Variants in MARCHF1 observed in about 807,000 individuals in gnomAD.
The protein encoded by MARCHF1 is membrane associated ring-CH-type finger 1.
In MARCHF1, 40 loss-of-function variants were observed where a neutral mutation model predicts 54.2. The ratio of observed to expected loss-of-function variants is 0.74; its 90% confidence interval spans 0.57 to 0.96. MARCHF1 has a LOEUF of 0.96. MARCHF1 is among the 40% of genes least tolerant of loss of function. The pLI is 0.00. For missense variants in MARCHF1, 586 were observed against 656.5 expected (o/e 0.89, Z 1.17); for synonymous variants, 236 against 236.3 (o/e 1.00, Z 0.01).
intron 5 of MARCHF1, among the ~76,000 whole-genome samples, chr4:163,620,462 T>C (rs1313368066): frequency 6.6e-6 from 1 of 152,016 alleles, no homozygotes; most frequent in Non-Finnish European, 1.5e-5. Flanking sequence ...ATTTACAAGA[T>C]TGTTCATTAC....
intron 1 of MARCHF1, among the ~76,000 whole-genome samples, chr4:164,154,333 T>G (rs1730019836): frequency 6.6e-6 from 1 of 152,240 alleles, no homozygotes; most frequent in Non-Finnish European, 1.5e-5. Flanking sequence ...AAAAATCATT[T>G]AGCCTCTATC....
At chr4:164,140,062 A>G (rs943264808) in intron 1 of MARCHF1, among the ~76,000 whole-genome samples, 1 of 152,040 alleles carries the variant, frequency 6.6e-6, no homozygotes, top group Non-Finnish European at 1.5e-5. Context: ...TTTCTGGATT[A>G]AACTTTTTAC....
At chr4:163,876,928 AATG>A (rs1192040270) in intron 3 of MARCHF1, among the ~76,000 whole-genome samples, 1 of 152,170 alleles carries the variant, frequency 6.6e-6, no homozygotes, top group Non-Finnish European at 1.5e-5. Flanking sequence ...AGCTAATAAT[AATG>A]ATAATTAATA....
intron 2 of MARCHF1, among the ~76,000 whole-genome samples, chr4:164,020,880 G>C (rs1753647486): frequency 6.6e-6 from 1 of 152,182 alleles, no homozygotes; most frequent in African/African-American, 2.4e-5. Context: ...GCAGTGAACT[G>C]TGATAGTGCT....
At chr4:164,368,638 C>T (rs1204833201) in intron 1 of MARCHF1, among the ~76,000 whole-genome samples, 1 of 152,094 alleles carries the variant, frequency 6.6e-6, no homozygotes, top group Non-Finnish European at 1.5e-5. Context: ...AATATGTGCA[C>T]ATAATGACCA....
intron 5 of MARCHF1, among the ~76,000 whole-genome samples, chr4:163,679,428 TAATA>T (rs1021612418): frequency 5.9e-5 from 9 of 152,066 alleles, no homozygotes; most frequent in African/African-American, 2.2e-4. Context: ...TTCATCCCGG[TAATA>T]AAGACAGAAA....
chr4:163,787,814 G>A (rs1326495483), intron 4 of MARCHF1, among the ~76,000 whole-genome samples: 1 of 151,940 alleles, frequency 6.6e-6, no homozygotes, highest in Non-Finnish European at 1.5e-5. Context: ...GCCAAGAGAT[G>A]TAAGCTACCC....
chr4:164,128,352 T>C (rs1461806092), intron 1 of MARCHF1, among the ~76,000 whole-genome samples: 4 of 152,062 alleles, frequency 2.6e-5, no homozygotes, highest in Non-Finnish European at 5.9e-5. Context: ...AAATTCAACA[T>C]GCAAATTCAA....
chr4:163,858,946 G>C (rs75605666), intron 3 of MARCHF1, among the ~76,000 whole-genome samples: 4 of 152,088 alleles, frequency 2.6e-5, no homozygotes, highest in Non-Finnish European at 4.4e-5. Flanking sequence ...TGTGTCCTGG[G>C]GGTCTTTTTA....
intron 1 of MARCHF1, among the ~76,000 whole-genome samples, chr4:164,112,519 C>T (rs1376317749): frequency 6.6e-6 from 1 of 151,856 alleles, no homozygotes; most frequent in Admixed American, 6.6e-5. Context: ...TATACAGTAG[C>T]ACTGTAGTTG....
intron 4 of MARCHF1, among the ~76,000 whole-genome samples, chr4:163,735,467 A>C (rs1251170727): frequency 1.3e-5 from 2 of 152,168 alleles, no homozygotes; most frequent in African/African-American, 4.8e-5. Flanking sequence ...TGTTGCTATA[A>C]CAGAGTAGCT....
intron 1 of MARCHF1, among the ~76,000 whole-genome samples, chr4:164,368,164 A>G (rs1472077594): frequency 6.7e-6 from 1 of 149,492 alleles, no homozygotes; most frequent in Non-Finnish European, 1.5e-5. Context: ...GATTTTTCTT[A>G]TATATGTTTA....
intron 4 of MARCHF1, among the ~76,000 whole-genome samples, chr4:163,819,721 C>G (rs913771319): frequency 2.6e-5 from 4 of 152,070 alleles, no homozygotes; most frequent in Non-Finnish European, 5.9e-5. Context: ...TCCTAATGCT[C>G]TCCCCAATAT....
intron 5 of MARCHF1, among the ~76,000 whole-genome samples, chr4:163,634,510 A>T (rs1417544388): frequency 2.7e-5 from 4 of 150,128 alleles, no homozygotes; most frequent in Admixed American, 1.3e-4. Context: ...AGGCCACTAC[A>T]TAATGGTAAA....
intron 1 of MARCHF1, among the ~76,000 whole-genome samples, chr4:164,141,954 G>C (rs1360032179): frequency 9.2e-5 from 14 of 152,144 alleles, no homozygotes; most frequent in Admixed American, 8.5e-4. Flanking sequence ...GCGCAGGTCA[G>C]TGGGTGGGCG....
At chr4:164,310,007 C>A (rs1334436728) in intron 1 of MARCHF1, among the ~76,000 whole-genome samples, 2 of 151,774 alleles carry the variant, frequency 1.3e-5, no homozygotes, top group Non-Finnish European at 2.9e-5. Flanking sequence ...AAAAAAAAAT[C>A]TGTAGGTACA....
intron 2 of MARCHF1, among the ~76,000 whole-genome samples, chr4:164,002,971 G>A (rs1013571913): frequency 2.6e-5 from 4 of 151,656 alleles, no homozygotes; most frequent in Non-Finnish European, 5.9e-5. Context: ...ATTAACACAC[G>A]TAATAATAGA....
chr4:163,636,629 A>G (rs1214101128), intron 5 of MARCHF1, among the ~76,000 whole-genome samples: 1 of 151,964 alleles, frequency 6.6e-6, no homozygotes, highest in Non-Finnish European at 1.5e-5. Context: ...TTCCATGCTC[A>G]TGGGTAGGAA....
chr4:164,216,891 C>T (rs746974071), intron 1 of MARCHF1, among the ~76,000 whole-genome samples: 7 of 152,124 alleles, frequency 4.6e-5, no homozygotes, highest in Non-Finnish European at 7.4e-5. Flanking sequence ...CCCAAGAATA[C>T]TTTAACTATT....
Sources: allele counts gnomAD v4.1 joint callset (sites outside exome capture counted in the v4.1 genomes callset), GRCh38; gene constraint gnomAD v4.1.1; transcripts MANE v1.5; gene names NCBI Gene and HGNC (gene_info 2026-07-23, HGNC 2026-07-21).